PRELID2: variants seen among roughly 807,000 people sequenced by gnomAD.
PRELID2 encodes PRELI domain containing 2.
Under a neutral mutation model 28.4 loss-of-function variants are expected in PRELID2, and 25 were observed. The observed-to-expected ratio is 0.88, with a 90% CI of 0.64 to 1.23. The LOEUF is 1.23. Among genes scored for constraint, PRELID2 ranks in the 50% most tolerant of loss-of-function variants. The pLI is 0.00. For synonymous variants in PRELID2, 76 were observed against 71.6 expected (o/e 1.06, Z -0.31); for missense variants, 201 against 214.4 (o/e 0.94, Z 0.39).
chr5:145,662,647 T>C (rs76712679), intron 1 of PRELID2, among the ~76,000 whole-genome samples: 9,178 of 152,066 alleles, frequency 0.06, 935 homozygotes, highest in African/African-American at 0.21. Flanking sequence ...AATGGATTAA[T>C]GGGTTGTCAT....
chr5:145,320,088 T>A, the PRELID2 span, among the ~76,000 whole-genome samples: 69 of 152,382 alleles, frequency 4.5e-4, 2 homozygotes, highest in South Asian at 0.012. Flanking sequence ...CAGTTCATTA[T>A]GAATGGAATA....
chr5:145,793,536 C>T (rs1220152929), intron 5 of PRELID2, among the ~76,000 whole-genome samples: 2 of 151,992 alleles, frequency 1.3e-5, no homozygotes, highest in East Asian at 3.9e-4. Flanking sequence ...ATAAATGGCT[C>T]CTAAAATCAA....
the PRELID2 span, among the ~76,000 whole-genome samples, chr5:145,297,249 A>G: frequency 6.6e-6 from 1 of 151,966 alleles, no homozygotes; most frequent in Non-Finnish European, 1.5e-5. Context: ...TTGGTGTTTT[A>G]GACATGAAGT....
the PRELID2 span, among the ~76,000 whole-genome samples, chr5:145,385,980 C>T: frequency 7.9e-5 from 12 of 151,824 alleles, no homozygotes; most frequent in Admixed American, 3.3e-4. Flanking sequence ...GGAGGGACAA[C>T]GTGGGAGGTG....
the PRELID2 span, among the ~76,000 whole-genome samples, chr5:145,237,090 C>T: frequency 6.6e-6 from 1 of 152,156 alleles, no homozygotes; most frequent in Non-Finnish European, 1.5e-5. Context: ...TCTTGTTCTT[C>T]TGTCCTCTAC....
intron 2 of PRELID2, among the ~76,000 whole-genome samples, chr5:145,822,048 A>G (rs538348586): frequency 1.3e-5 from 2 of 152,298 alleles, no homozygotes; most frequent in South Asian, 4.1e-4. Context: ...TGCATATACA[A>G]GCAAAAGGCA....
chr5:145,728,762 T>C (rs1756250005), intron 1 of PRELID2: 1 of 1,383,226 alleles, frequency 7.2e-7, no homozygotes, highest in Non-Finnish European at 1.0e-6. Flanking sequence ...AGGCTTCATT[T>C]TGTTTTGCAC....
chr5:145,460,088 C>A, the PRELID2 span, among the ~76,000 whole-genome samples: 1 of 152,128 alleles, frequency 6.6e-6, no homozygotes, highest in Admixed American at 6.5e-5. Flanking sequence ...GGATTACAGG[C>A]ATGAGCCACT....
chr5:145,592,475 C>G (rs1354087221), intron 1 of PRELID2, among the ~76,000 whole-genome samples: 2 of 103,762 alleles, frequency 1.9e-5, no homozygotes, highest in Non-Finnish European at 3.4e-5. Flanking sequence ...CACATACATA[C>G]ACACACACAC....
chr5:145,349,982 A>C, the PRELID2 span, among the ~76,000 whole-genome samples: 2 of 152,180 alleles, frequency 1.3e-5, no homozygotes, highest in African/African-American at 4.8e-5. Flanking sequence ...AAAATGAGGA[A>C]TCTCAGCCTA....
intron 1 of PRELID2, among the ~76,000 whole-genome samples, chr5:145,701,337 T>C (rs1755402581): frequency 6.6e-6 from 1 of 152,168 alleles, no homozygotes; most frequent in Non-Finnish European, 1.5e-5. Context: ...CAGTAAATGA[T>C]TTTCATGGCA....
At chr5:145,784,905 A>T (rs566687714) in intron 5 of PRELID2, among the ~76,000 whole-genome samples, 3 of 152,218 alleles carry the variant, frequency 2.0e-5, no homozygotes, top group Non-Finnish European at 4.4e-5. Context: ...ATTATGAATG[A>T]TTTTATCTTA....
At chr5:145,726,497 T>A (rs1347801050) in intron 1 of PRELID2, among the ~76,000 whole-genome samples, 4 of 152,174 alleles carry the variant, frequency 2.6e-5, no homozygotes, top group Non-Finnish European at 5.9e-5. Context: ...AGCAATTTAA[T>A]TCCTGGAGAT....
At chr5:145,674,536 TG>T (rs1184487384) in intron 1 of PRELID2, among the ~76,000 whole-genome samples, 1 of 152,212 alleles carries the variant, frequency 6.6e-6, no homozygotes, top group Non-Finnish European at 1.5e-5. Flanking sequence ...TGGGAAAAGA[TG>T]AATGTTTTAA....
the PRELID2 span, among the ~76,000 whole-genome samples, chr5:145,328,453 C>A: frequency 6.6e-6 from 1 of 152,150 alleles, no homozygotes; most frequent in Admixed American, 6.5e-5. Context: ...TCTGTTATTT[C>A]CTGACTTTTT....
intron 1 of PRELID2, among the ~76,000 whole-genome samples, chr5:145,824,939 T>C (rs1361782479): frequency 1.3e-5 from 2 of 151,880 alleles, no homozygotes; most frequent in African/African-American, 4.8e-5. Flanking sequence ...GAAAAAAAAA[T>C]GCTTGGCTGG....
intron 1 of PRELID2, among the ~76,000 whole-genome samples, chr5:145,657,608 C>G (rs1358828090): frequency 1.3e-5 from 2 of 152,096 alleles, no homozygotes; most frequent in Non-Finnish European, 2.9e-5. Context: ...TTGCTTGAAC[C>G]CGGGAGACAG....
the PRELID2 span, among the ~76,000 whole-genome samples, chr5:145,246,313 A>C: frequency 7.2e-5 from 11 of 152,098 alleles, no homozygotes; most frequent in African/African-American, 2.7e-4. Context: ...TATTTTGTTT[A>C]TCTGATACAT....
intron 1 of PRELID2, among the ~76,000 whole-genome samples, chr5:145,830,828 G>A (rs1755534923): frequency 6.6e-6 from 1 of 152,152 alleles, no homozygotes; most frequent in African/African-American, 2.4e-5. Flanking sequence ...TATTCAACAG[G>A]CAGATGTAAG....
Sources: gnomAD v4.1 joint callset for allele counts (sites outside exome capture counted in the v4.1 genomes callset) on GRCh38, gnomAD v4.1.1 for gene constraint, MANE v1.5 for transcripts, NCBI Gene and HGNC (gene_info 2026-07-23, HGNC 2026-07-21) for gene names.